MTRR: variants seen among roughly 807,000 people sequenced by gnomAD.
The protein encoded by MTRR is methionine synthase reductase.
A neutral mutation model predicts 79.2 loss-of-function variants in MTRR; 63 were observed. The observed-to-expected ratio is 0.80, with a 90% CI of 0.65 to 0.98. The LOEUF (loss-of-function observed/expected upper bound fraction) is 0.98. Among genes scored for constraint, MTRR ranks in the 50% least tolerant of loss-of-function variants. MTRR has a pLI of 0.00. For missense variants in MTRR, 895 were observed against 839.6 expected (o/e 1.07, Z -0.82); for synonymous variants, 355 against 313.3 (o/e 1.13, Z -1.41).
intron 1 of MTRR, chr5:7,861,676 T>C: frequency 6.2e-7 from 1 of 1,601,054 alleles, no homozygotes; most frequent in Non-Finnish European, 8.5e-7. Context: ...AAAGGAAAAA[T>C]TCCTCGTGTG....
intron 1 of MTRR, among the ~76,000 whole-genome samples, chr5:7,855,636 T>C (rs7721678): frequency 0.29 from 44,325 of 151,964 alleles, 6,651 homozygotes; most frequent in Middle Eastern, 0.41. Flanking sequence ...GAATACAACA[T>C]GAGCCACTGA....
chr5:7,878,131 G>A lies in MTRR; in HGVS notation c.589G>A (p.Asp197Asn), dbSNP rs748186027. 6.2e-7 allele frequency: 1 copy of A among 1,614,022 alleles called. No individual in the cohort carries two copies. The highest frequency in any genetic ancestry group is 8.5e-7 in the Non-Finnish European group (1 of 1,180,016). Residue 197 changes from aspartate (D) to asparagine (N), a missense_variant, in exon 5 of 15, where the codon GAT becomes AAT. By Grantham distance (23) the Asp-to-Asn change is conservative. Transcript: ENST00000440940. ...IESQVELLRF[D>N]DSGRKDSEVL... Reference sequence around the variant, plus strand: ...ATCTCAAGTCGAGCTTCTGAGATTCGATGATTCAGGAAGAAAGGATTCTGA... The same window carrying A: ...ATCTCAAGTCGAGCTTCTGAGATTCAATGATTCAGGAAGAAAGGATTCTGA...
At chr5:7,852,722 A>G (rs1746112008) in intron 1 of MTRR, among the ~76,000 whole-genome samples, 1 of 146,678 alleles carries the variant, frequency 6.8e-6, no homozygotes, top group Non-Finnish European at 1.5e-5. Context: ...TGGCCTCATT[A>G]AAGCAGCAGC....
At chr5:7,888,739 C>T (rs996695814) in intron 8 of MTRR, among the ~76,000 whole-genome samples, 4 of 152,092 alleles carry the variant, frequency 2.6e-5, no homozygotes, top group Non-Finnish European at 5.9e-5. Context: ...GTGCTTTGTT[C>T]CTAAAGAGCC....
At chr5:7,867,689 C>G (rs1435140881), upstream of MTRR, 13 of 1,614,204 alleles carry the variant, frequency 8.1e-6, no homozygotes, top group Non-Finnish European at 1.1e-5. Flanking sequence ...TTGTAAAGCT[C>G]CTGCTGCCAT....
At chr5:7,875,884 C>T (rs1734475662) in intron 4 of MTRR, among the ~76,000 whole-genome samples, 1 of 152,234 alleles carries the variant, frequency 6.6e-6, no homozygotes, top group South Asian at 2.1e-4. Context: ...TTTACAGACG[C>T]ATACTTTATC....
chr5:7,877,007 G>A (rs1309430972), intron 4 of MTRR, among the ~76,000 whole-genome samples: 2 of 152,192 alleles, frequency 1.3e-5, no homozygotes, highest in East Asian at 3.8e-4. Context: ...GCTCTAATGT[G>A]TAACCACATT....
chr5:7,875,488 T>G, intron 4 of MTRR, 113 bp downstream of exon 4: 1 of 987,116 alleles, frequency 1.0e-6, no homozygotes, highest in Admixed American at 1.7e-5. Flanking sequence ...ATGTTTTACT[T>G]TTGTTCGCTT....
chr5:7,879,461 TCAAAA>T (rs1735184776), intron 5 of MTRR, among the ~76,000 whole-genome samples: 1 of 40,448 alleles, frequency 2.5e-5, no homozygotes, highest in African/African-American at 1.1e-4. Flanking sequence ...AGACTCCGTC[TCAAAA>T]AAAAAAAAAA....
chr5:7,875,135 C>G (rs1280968240), intron 3 of MTRR, 123 bp from the exon 4 acceptor site: 1 of 761,414 alleles, frequency 1.3e-6, no homozygotes, highest in African/African-American at 1.7e-5. Flanking sequence ...ATGTGAAGCT[C>G]TGCATTATTA....
intron 4 of MTRR, among the ~76,000 whole-genome samples, chr5:7,875,889 T>G (rs1297528300): frequency 6.6e-6 from 1 of 152,238 alleles, no homozygotes; most frequent in Non-Finnish European, 1.5e-5. Context: ...AGACGCATAC[T>G]TTATCTTTTC....
intron 1 of MTRR, chr5:7,869,691 C>T (rs1288672594): frequency 9.8e-6 from 2 of 203,390 alleles, no homozygotes; most frequent in Non-Finnish European, 2.0e-5. Context: ...CTGCTGGGGC[C>T]CGGGCCTCCG....
In MTRR at chr5:7,873,361, C is replaced by G. The variant is rs764724859; in HGVS notation, c.130-12C>G. ...AGTGTTAGGTCCCTGACTTGATATC[C>G]TTGTTTTGTAGTATGACCTAAAAAC... On this transcript the variant is annotated splice_polypyrimidine_tract_variant and intron_variant, in intron 2 of 14. Transcript: ENST00000440940. The G allele has an allele frequency of 1.9e-6, 3 of 1,614,050 alleles. No homozygotes were observed. Among genetic ancestry groups the G allele is most frequent in the African/African-American group, 1.3e-5 (1 of 74,940 alleles).
chr5:7,866,910 C>T (rs1482288318), upstream of MTRR: 31 of 1,614,074 alleles, frequency 1.9e-5, no homozygotes, highest in East Asian at 6.7e-4. Context: ...GTTTCTGCCA[C>T]TGCATTGAGG....
intron 11 of MTRR, chr5:7,893,243 G>C (rs973615504): frequency 1.4e-4 from 45 of 317,612 alleles, no homozygotes; most frequent in South Asian, 8.7e-4. Flanking sequence ...AGTATTTAAG[G>C]GGGGTGATGA....
upstream of MTRR, among the ~76,000 whole-genome samples, chr5:7,868,368 T>A (rs1747215140): frequency 1.3e-5 from 2 of 152,100 alleles, no homozygotes; most frequent in Non-Finnish European, 2.9e-5. Context: ...TCAGTACTTT[T>A]ACTATCATTT....
At chr5:7,876,383 C>A (rs1195283832) in intron 4 of MTRR, among the ~76,000 whole-genome samples, 4 of 152,162 alleles carry the variant, frequency 2.6e-5, no homozygotes, top group African/African-American at 9.7e-5. Flanking sequence ...CTTGTATGAG[C>A]TGTGTTTAAC....
chr5:7,896,475 G>A, intron 12 of MTRR: 1 of 275,094 alleles, frequency 3.6e-6, no homozygotes, highest in Non-Finnish European at 7.0e-6. Flanking sequence ...TCATCAGTGT[G>A]TTCACCATTT....
At chr5:7,888,959 C>A (rs2126769698) in intron 8 of MTRR, 136 bp from the exon 9 acceptor site, 1 of 920,426 alleles carries the variant, frequency 1.1e-6, no homozygotes, top group Non-Finnish European at 1.7e-6. Context: ...ATTCCCTCCT[C>A]CTGACAATAG....
Sources: gnomAD v4.1 joint callset for allele counts (sites outside exome capture counted in the v4.1 genomes callset) on GRCh38, gnomAD v4.1.1 for gene constraint, MANE v1.5 for transcripts, NCBI Gene and HGNC (gene_info 2026-07-23, HGNC 2026-07-21) for gene names.